Variants in GPR61 observed in about 807,000 individuals in gnomAD.
The protein encoded by GPR61 is G protein-coupled receptor 61.
GPR61 carries 15 observed loss-of-function variants against 29.2 expected under a neutral mutation model. The observed-to-expected ratio is 0.51, with a 90% CI of 0.34 to 0.79. The LOEUF is 0.79. GPR61 is among the 30% of genes least tolerant of loss of function. GPR61 has a pLI of 0.01. For missense variants in GPR61, 399 were observed against 582.5 expected, an observed-to-expected ratio of 0.69 and a Z score of 3.24; for synonymous variants, 238 against 242.3, an observed-to-expected ratio of 0.98 and a Z score of 0.17.
Position 109,542,943 on chromosome 1 carries a change from C to T in GPR61, c.-80C>T. On this transcript the variant is annotated 5_prime_UTR_variant, in exon 2 of 2. Transcript: ENST00000527748. Reference sequence around the variant, plus strand: ...CGAAACCAGGAAGCCTGGGCCTGGGCTCGCCATCCCAGGGTCGCTGGACTA... The same window carrying T: ...CGAAACCAGGAAGCCTGGGCCTGGGTTCGCCATCCCAGGGTCGCTGGACTA... The T allele has an allele frequency of 6.5e-7, 1 of 1,540,460 alleles. No homozygotes were observed. The highest frequency in any genetic ancestry group is 8.8e-7 in the Non-Finnish European group (1 of 1,137,808).
chr1:109,543,297 C>T lies in GPR61; in HGVS notation c.275C>T (p.Thr92Ile). 6.2e-7 allele frequency: 1 copy of T among 1,614,080 alleles called. No individual in the cohort carries two copies. Among genetic ancestry groups the T allele is most frequent in the Non-Finnish European group, 8.5e-7 (1 of 1,180,024 alleles). Residue 92 changes from threonine (T) to isoleucine (I), a missense_variant, in exon 2 of 2, where the codon ACC (threonine) becomes ATC (isoleucine). Around this residue, in one of 3 missense-constraint regions of GPR61, gnomAD observed 1 missense variants for 21.7 expected, o/e 0.05. Coordinates refer to ENST00000527748, the MANE Select transcript of GPR61 (RefSeq NM_001393907.1). This position sits in a 1 kb window ranked among gnomAD's most constrained non-coding sequence, Gnocchi z 6.8. The stretch of plus-strand genomic sequence containing the variant: ...CTGGTGGACCTGCTGGCTGCCCTGA[C>T]CCTCATGCCCCTGGCCATGCTCTCC... ...LCLVDLLAAL[T>I]LMPLAMLSSS...
At position 109,544,013 on chromosome 1, in the gene GPR61, T is replaced by A; in HGVS notation, c.991T>A (p.Tyr331Asn). The A allele has an allele frequency of 6.2e-7, 1 of 1,614,254 alleles. No homozygotes were observed. Among genetic ancestry groups the A allele is most frequent in the Non-Finnish European group, 8.5e-7 (1 of 1,180,042 alleles). The change falls in exon 2 of 2, where the codon TAC becomes AAC. Residue 331 changes from tyrosine to asparagine, a missense_variant. By Grantham distance (143) the Tyr-to-Asn change is moderately radical. Transcript: ENST00000527748. The surrounding 1 kb of genome is among the most constrained non-coding windows in gnomAD (Gnocchi z 4.6). Reference sequence around the variant, plus strand: ...GGAGAGTGTGGTCACCTGGATTGGCTACTTTTGCTTCACTTCCAACCCTTT... The same window carrying A: ...GGAGAGTGTGGTCACCTGGATTGGCAACTTTTGCTTCACTTCCAACCCTTT... ...QVESVVTWIG[Y>N]FCFTSNPFFY...
chr1:109,543,480 G>A lies in GPR61; in HGVS notation c.458G>A (p.Arg153His), dbSNP rs1363347475. 9.9e-6 allele frequency: 16 copies of A among 1,613,948 alleles called. No homozygotes were observed. The Middle Eastern group carries it at 6.6e-4, about 67-fold the overall frequency. The change falls in exon 2 of 2, where the codon CGC becomes CAC. Residue 153 changes from arginine to histidine, a missense_variant. This residue lies in a region of GPR61 where 320 missense variants were observed against 459.8 expected (regional missense o/e 0.70). Transcript: ENST00000527748. This position sits in a 1 kb window ranked among gnomAD's most constrained non-coding sequence, Gnocchi z 6.8. ...GTCCACCCCATGCGCTACGAGGTGCGCATGACGCTGGGGCTGGTGGCCTCT... is the reference window on the plus strand; with the variant it reads ...GTCCACCCCATGCGCTACGAGGTGCACATGACGCTGGGGCTGGTGGCCTCT... ...YVVHPMRYEVRMTLGLVASVL... is the reference protein window; with the variant it reads ...YVVHPMRYEVHMTLGLVASVL...
At position 109,543,039 on chromosome 1, in the gene GPR61, T is replaced by C; in HGVS notation, c.17T>C (p.Ile6Thr). 2 of 1,546,872 alleles carry C rather than the reference T, an allele frequency of 1.3e-6. No homozygotes were observed. The highest frequency in any genetic ancestry group is 1.7e-6 in the Non-Finnish European group (2 of 1,145,404). The change falls in exon 2 of 2, where the codon ATC becomes ACC. Residue 6 changes from isoleucine (I) to threonine (T), a missense_variant. Physicochemically the swap from Ile to Thr is moderately conservative, Grantham distance 89 (BLOSUM62 -1). This residue lies in a region of GPR61 where 78 missense variants were observed against 101.0 expected (regional missense o/e 0.77). Coordinates refer to ENST00000527748, the MANE Select transcript of GPR61 (RefSeq NM_001393907.1). The surrounding 1 kb of genome is among the most constrained non-coding windows in gnomAD (Gnocchi z 6.8). ...TTCGGCCCCATGGAGTCCTCACCCA[T>C]CCCCCAGTCATCAGGGAACTCTTCC... MESSPIPQSSGNSSTL... is the reference protein window; with the variant it reads MESSPTPQSSGNSSTL...
chr1:109,543,532 C>T lies in GPR61; in HGVS notation c.510C>T (p.Ala170=). ...ASVLVGVWVK[A]LAMASVPVLG... ...TGCTGGTGGGTGTGTGGGTGAAGGCCTTGGCCATGGCTTCTGTGCCAGTGT... is the reference window on the plus strand; with the variant it reads ...TGCTGGTGGGTGTGTGGGTGAAGGCTTTGGCCATGGCTTCTGTGCCAGTGT... Residue 170 remains alanine (A), a synonymous_variant, in exon 2 of 2, where the codon GCC becomes GCT. Transcript: ENST00000527748. The surrounding 1 kb of genome is among the most constrained non-coding windows in gnomAD (Gnocchi z 6.8). The T allele has an allele frequency of 6.2e-7, 1 of 1,614,140 alleles. No homozygotes were observed. The highest frequency in any genetic ancestry group is 8.5e-7 in the Non-Finnish European group (1 of 1,179,996).
Position 109,543,824 on chromosome 1 carries a change from A to G in GPR61, c.802A>G (p.Ser268Gly). ...SLSSRSTMVT[S>G]SGAPQTTPHR... is the part of the protein sequence containing the mutation. ...CAGCAGCCGCTCCACGATGGTCACC[A>G]GCTCGGGGGCCCCCCAGACCACCCC... The change falls in exon 2 of 2, where the codon AGC (serine) becomes GGC (glycine). Residue 268 changes from serine to glycine, a missense_variant. By Grantham distance (56) the Ser-to-Gly change is moderately conservative. Transcript: ENST00000527748. This position sits in a 1 kb window ranked among gnomAD's most constrained non-coding sequence, Gnocchi z 6.8. 1 of 1,613,418 alleles carries G rather than the reference A, an allele frequency of 6.2e-7. No individual in the cohort carries two copies. Among genetic ancestry groups the G allele is most frequent in the Non-Finnish European group, 8.5e-7 (1 of 1,180,020 alleles).
At chr1:109,540,590 T>C (rs1003825607) in intron 1 of GPR61, among the ~76,000 whole-genome samples, 74 of 152,176 alleles carry the variant, frequency 4.9e-4, no homozygotes, top group African/African-American at 1.8e-3. Flanking sequence ...AGAGGGGTGC[T>C]GTTGGAAGTA....
rs537465757 is a variant in GPR61, at chr1:109,542,728, G to A, written c.-295G>A. On this transcript the variant is annotated 5_prime_UTR_variant, in exon 2 of 2. Coordinates refer to ENST00000527748, the MANE Select transcript of GPR61 (RefSeq NM_001393907.1). The stretch of plus-strand genomic sequence containing the variant: ...AAAAGGAAGAGGTGAAGGCCATTCC[G>A]AAAGCGGAGTGTTGAGTGGGTCAGG... 8.3e-5 allele frequency: 51 copies of A among 617,680 alleles called. No homozygotes were observed. In the East Asian group the frequency reaches 1.0e-3, roughly 12 times the overall value. The allele number at this position is 617,680 out of a possible 1,614,324, so 38.3% of individuals were successfully genotyped here. A position where few individuals can be genotyped will look rare whatever the true frequency, so the allele number is the denominator to read the frequency against.
In GPR61 at chr1:109,543,115, C is replaced by T. The variant is rs1296968383; in HGVS notation, c.93C>T (p.Val31=). The T allele has an allele frequency of 6.3e-7, 1 of 1,583,702 alleles. No homozygotes were observed. Among genetic ancestry groups the T allele is most frequent in the African/African-American group, 1.3e-5 (1 of 74,782 alleles). ...QTPGPSTASG[V]PEVGLRDVAS... The stretch of plus-strand genomic sequence containing the variant: ...CAGGTCCCTCTACTGCCAGTGGGGT[C>T]CCGGAGGTGGGGCTACGGGATGTTG... Residue 31 remains valine (V), a synonymous_variant, in exon 2 of 2, where the codon GTC becomes GTT. Transcript: ENST00000527748. This position sits in a 1 kb window ranked among gnomAD's most constrained non-coding sequence, Gnocchi z 6.8.
chr1:109,543,626 A>G lies in GPR61; in HGVS notation c.604A>G (p.Ser202Gly). 1.2e-6 allele frequency: 2 copies of G among 1,614,060 alleles called. No individual in the cohort carries two copies. Among genetic ancestry groups the G allele is most frequent in the Non-Finnish European group, 1.7e-6 (2 of 1,180,008 alleles). The change falls in exon 2 of 2, where the codon AGT becomes GGT. Residue 202 changes from serine (S) to glycine (G), a missense_variant. Transcript: ENST00000527748. This position sits in a 1 kb window ranked among gnomAD's most constrained non-coding sequence, Gnocchi z 6.8. ...AGGCTGTTCACTCCAGTGGAGCCAC[A>G]GTGCCTACTGCCAGCTTTTTGTGGT... Reference protein sequence around the residue: ...PPGCSLQWSHSAYCQLFVVVF... With the variant: ...PPGCSLQWSHGAYCQLFVVVF...
In GPR61 at chr1:109,547,049, A is replaced by G. The variant is rs1221260820; in HGVS notation, c.*2671A>G. The G allele has an allele frequency of 6.6e-6, 1 of 152,176 alleles. No homozygotes were observed. The highest frequency in any genetic ancestry group is 2.4e-5 in the African/African-American group (1 of 41,430). 9.4% of individuals were successfully genotyped at this position (152,176 alleles called of 1,614,324 possible). On this transcript the variant is annotated 3_prime_UTR_variant, in exon 2 of 2. Transcript: ENST00000527748. ...GCAATATCCTACGGGGGCATGATAGAAAAGGGTAACTCTGGGGTCAGATAG... is the reference window on the plus strand; with the variant it reads ...GCAATATCCTACGGGGGCATGATAGGAAAGGGTAACTCTGGGGTCAGATAG...
At position 109,544,032 on chromosome 1, in the gene GPR61, A is replaced by G; in HGVS notation, c.1010A>G (p.Asn337Ser). The G allele has an allele frequency of 6.2e-7, 1 of 1,613,938 alleles. No individual in the cohort carries two copies. Among genetic ancestry groups the G allele is most frequent in the South Asian group, 1.1e-5 (1 of 91,084 alleles). ...ATTGGCTACTTTTGCTTCACTTCCA[A>G]CCCTTTCTTCTATGGATGTCTCAAC... ...TWIGYFCFTS[N>S]PFFYGCLNRQ... Residue 337 changes from asparagine to serine, a missense_variant, in exon 2 of 2, where the codon AAC becomes AGC. Coordinates refer to ENST00000527748, the MANE Select transcript of GPR61 (RefSeq NM_001393907.1). This position sits in a 1 kb window ranked among gnomAD's most constrained non-coding sequence, Gnocchi z 4.6.
rs926263286 is a variant in GPR61, at chr1:109,543,835, C to A, written c.813C>A (p.Ala271=). The stretch of plus-strand genomic sequence containing the variant: ...CCACGATGGTCACCAGCTCGGGGGC[C>A]CCCCAGACCACCCCACACCGGACGT... ...SRSTMVTSSG[A]PQTTPHRTFG... is the part of the protein sequence containing the mutation. The change falls in exon 2 of 2, where the codon GCC becomes GCA. Residue 271 remains alanine (A), a synonymous_variant. Transcript: ENST00000527748. This position sits in a 1 kb window ranked among gnomAD's most constrained non-coding sequence, Gnocchi z 6.8. 1.2e-6 allele frequency: 2 copies of A among 1,613,116 alleles called. No individual in the cohort carries two copies. Among genetic ancestry groups the A allele is most frequent in the Admixed American group, 1.7e-5 (1 of 60,004 alleles).
chr1:109,543,625 C>T lies in GPR61; in HGVS notation c.603C>T (p.His201=). The change falls in exon 2 of 2, where the codon CAC becomes CAT. Residue 201 remains histidine (H), a synonymous_variant. Coordinates refer to ENST00000527748, the MANE Select transcript of GPR61 (RefSeq NM_001393907.1). This position sits in a 1 kb window ranked among gnomAD's most constrained non-coding sequence, Gnocchi z 6.8. ...VPPGCSLQWS[H]SAYCQLFVVV... ...CAGGCTGTTCACTCCAGTGGAGCCA[C>T]AGTGCCTACTGCCAGCTTTTTGTGG... 3 of 1,614,176 alleles carry T rather than the reference C, an allele frequency of 1.9e-6. No homozygotes were observed. The highest frequency in any genetic ancestry group is 1.7e-6 in the Non-Finnish European group (2 of 1,180,042).
rs1370744461 is a variant in GPR61 at position 109,543,939 on chromosome 1, T to G, written c.917T>G (p.Phe306Cys). 6.2e-7 allele frequency: 1 copy of G among 1,614,074 alleles called. No homozygotes were observed. Among genetic ancestry groups the G allele is most frequent in the Non-Finnish European group, 8.5e-7 (1 of 1,180,048 alleles). ...FLLCWLPYFS[F>C]HLYVALSAQP... ...CTCTGTTGGTTGCCCTACTTCTCTT[T>G]CCACCTCTATGTTGCCCTGAGTGCT... Residue 306 changes from phenylalanine (F) to cysteine (C), a missense_variant, in exon 2 of 2, where the codon TTC becomes TGC. Physicochemically the swap from Phe to Cys is radical, Grantham distance 205. This residue lies in a region of GPR61 where 320 missense variants were observed against 459.8 expected (regional missense o/e 0.70). Transcript: ENST00000527748. This position sits in a 1 kb window ranked among gnomAD's most constrained non-coding sequence, Gnocchi z 6.8.
At position 109,544,036 on chromosome 1, in the gene GPR61, T is replaced by C; in HGVS notation, c.1014T>C (p.Pro338=). 6.2e-7 allele frequency: 1 copy of C among 1,614,252 alleles called. No individual in the cohort carries two copies. The highest frequency in any genetic ancestry group is 8.5e-7 in the Non-Finnish European group (1 of 1,180,048). The stretch of plus-strand genomic sequence containing the variant: ...GCTACTTTTGCTTCACTTCCAACCC[T>C]TTCTTCTATGGATGTCTCAACCGGC... The part of the protein sequence containing the change: ...WIGYFCFTSN[P]FFYGCLNRQI... The change falls in exon 2 of 2, where the codon CCT becomes CCC. Residue 338 remains proline (P), a synonymous_variant. Transcript: ENST00000527748. The surrounding 1 kb of genome is among the most constrained non-coding windows in gnomAD (Gnocchi z 4.6).
rs1486079014 is a variant in GPR61, at chr1:109,546,986, A to G, written c.*2608A>G. 6.6e-6 allele frequency: 1 copy of G among 152,238 alleles called. No homozygotes were observed. The highest frequency in any genetic ancestry group is 1.9e-4 in the East Asian group (1 of 5,198). 9.4% of individuals were successfully genotyped at this position (152,238 alleles called of 1,614,324 possible). On this transcript the variant is annotated 3_prime_UTR_variant, in exon 2 of 2. Transcript: ENST00000527748. ...GTGTTGGGGTAACTCCCAATCCTAG[A>G]TGAAAACCTTAGACTTTCTGTTGTC... is the stretch of plus-strand genomic sequence containing the variant.
At position 109,542,974 on chromosome 1, in the gene GPR61, G is replaced by A. The variant is rs749054914; in HGVS notation, c.-49G>A. The A allele has an allele frequency of 1.9e-6, 3 of 1,554,702 alleles. No homozygotes were observed. In the South Asian group the frequency reaches 3.6e-5, roughly 19 times the overall value. On this transcript the variant is annotated 5_prime_UTR_variant, in exon 2 of 2. Coordinates refer to ENST00000527748, the MANE Select transcript of GPR61 (RefSeq NM_001393907.1). ...ATCCCAGGGTCGCTGGACTAGGATGGGGGATGGGCCTGTGACAGGAGGTAC... is the reference window on the plus strand; with the variant it reads ...ATCCCAGGGTCGCTGGACTAGGATGAGGGATGGGCCTGTGACAGGAGGTAC...
intron 1 of GPR61, 33 bp from the exon 2 acceptor site, chr1:109,542,389 T>G (rs1647665567): frequency 3.4e-6 from 1 of 297,490 alleles, no homozygotes; most frequent in Non-Finnish European, 6.8e-6. Context: ...GAAACACAGT[T>G]GTGAAGCAAG....
Sources: gnomAD v4.1 joint callset for allele counts (sites outside exome capture counted in the v4.1 genomes callset) on GRCh38, gnomAD v4.1.1 for gene constraint, gnomAD v4.1.1 regional missense constraint, Gnocchi (gnomAD v3.1) non-coding constraint, MANE v1.5 for transcripts, NCBI Gene and HGNC (gene_info 2026-07-23, HGNC 2026-07-21) for gene names.